Variants in CFDP1 observed in about 807,000 individuals in gnomAD.
CFDP1 encodes the protein heterochromatin-stabilizing protein CFDP1.
In CFDP1, 31 loss-of-function variants were observed where a neutral mutation model predicts 40.1. The observed-to-expected ratio is 0.77, with a 90% CI of 0.58 to 1.04. The LOEUF (loss-of-function observed/expected upper bound fraction) is 1.04, where lower values mean the gene tolerates loss of function less well. CFDP1 is among the 50% of genes least tolerant of loss of function. The pLI is 0.00. For synonymous variants in CFDP1, 167 were observed against 120.0 expected (o/e 1.39, Z -2.56); for missense variants, 423 against 343.4 (o/e 1.23, Z -1.83).
intron 5 of CFDP1, among the ~76,000 whole-genome samples, chr16:75,336,330 T>A (rs979762341): frequency 3.3e-5 from 5 of 152,134 alleles, no homozygotes; most frequent in African/African-American, 1.2e-4. Flanking sequence ...GCAGGGAAGT[T>A]GGGCTGCAGC....
chr16:75,384,673 CTG>C (rs1475376868), intron 5 of CFDP1, among the ~76,000 whole-genome samples: 1 of 151,660 alleles, frequency 6.6e-6, no homozygotes, highest in Non-Finnish European at 1.5e-5. Context: ...TTATTAATAA[CTG>C]TAAAATTTGG....
intron 5 of CFDP1, among the ~76,000 whole-genome samples, chr16:75,375,970 T>C (rs896021135): frequency 2.0e-5 from 3 of 152,188 alleles, no homozygotes; most frequent in Non-Finnish European, 4.4e-5. Flanking sequence ...CCTTGCAGTT[T>C]GGGAGGCTGC....
At chr16:75,356,017 G>C (rs1463171758) in intron 5 of CFDP1, among the ~76,000 whole-genome samples, 1 of 152,124 alleles carries the variant, frequency 6.6e-6, no homozygotes, top group Non-Finnish European at 1.5e-5. Flanking sequence ...ATCCCTCAAA[G>C]TTACCCATAA....
chr16:75,414,372 T>C (rs1055914670), intron 2 of CFDP1, among the ~76,000 whole-genome samples: 1 of 152,236 alleles, frequency 6.6e-6, no homozygotes, highest in South Asian at 2.1e-4. Context: ...TATTACCTAT[T>C]AACATTTTCT....
At chr16:75,424,531 G>A (rs1168889127) in intron 1 of CFDP1, among the ~76,000 whole-genome samples, 6 of 152,080 alleles carry the variant, frequency 3.9e-5, no homozygotes, top group African/African-American at 7.2e-5. Context: ...TGAGGCGGGC[G>A]GATCACGAGG....
At chr16:75,313,327 G>A (rs2078306386) in intron 5 of CFDP1, among the ~76,000 whole-genome samples, 1 of 152,144 alleles carries the variant, frequency 6.6e-6, no homozygotes, top group African/African-American at 2.4e-5. Flanking sequence ...AGGTAGGCAT[G>A]TGAGAGTTTT....
At chr16:75,305,217 A>G (rs757614992) in intron 5 of CFDP1, 35 bp from the exon 6 acceptor site, 1 of 1,606,954 alleles carries the variant, frequency 6.2e-7, no homozygotes, top group South Asian at 1.1e-5. Flanking sequence ...GTAGCAGGTA[A>G]AAACTCTGAT....
chr16:75,430,104 G>C (rs11149833), intron 1 of CFDP1, among the ~76,000 whole-genome samples: 78,444 of 152,072 alleles, frequency 0.52, 21,298 homozygotes, highest in Admixed American at 0.64. Flanking sequence ...AACAGGTTGA[G>C]TTTGCCTAAA....
intron 5 of CFDP1, among the ~76,000 whole-genome samples, chr16:75,309,710 CT>C (rs1371930086): frequency 2.1e-5 from 3 of 145,450 alleles, no homozygotes; most frequent in South Asian, 2.2e-4. Flanking sequence ...GTCCCAGTTA[CT>C]TGGGAGGCTG....
intron 5 of CFDP1, among the ~76,000 whole-genome samples, chr16:75,357,571 G>C (rs1212181182): frequency 6.6e-6 from 1 of 152,112 alleles, no homozygotes; most frequent in East Asian, 1.9e-4. Flanking sequence ...TTCTTTCTAA[G>C]GAAAGAATCT....
At chr16:75,409,837 C>T (rs1355848947) in intron 4 of CFDP1, among the ~76,000 whole-genome samples, 1 of 152,108 alleles carries the variant, frequency 6.6e-6, no homozygotes. Context: ...TAATACTATT[C>T]TTGCAACATT....
intron 5 of CFDP1, among the ~76,000 whole-genome samples, chr16:75,305,607 C>A (rs1283361587): frequency 6.6e-6 from 1 of 152,178 alleles, no homozygotes; most frequent in African/African-American, 2.4e-5. Flanking sequence ...AATGCTTACT[C>A]ACAGGCTGTG....
chr16:75,430,982 TG>T (rs2079406786), intron 1 of CFDP1, among the ~76,000 whole-genome samples: 1 of 152,250 alleles, frequency 6.6e-6, no homozygotes, highest in African/African-American at 2.4e-5. Context: ...TTCAGATGGT[TG>T]GGGGCGCCTT....
intron 6 of CFDP1, among the ~76,000 whole-genome samples, chr16:75,294,670 G>A (rs942350464): frequency 3.9e-5 from 6 of 152,048 alleles, no homozygotes; most frequent in African/African-American, 9.7e-5. Flanking sequence ...TCTCCTCTCC[G>A]CAGTATCCTC....
intron 5 of CFDP1, among the ~76,000 whole-genome samples, chr16:75,326,832 G>A (rs555782481): frequency 7.7e-4 from 118 of 152,296 alleles, no homozygotes; most frequent in Non-Finnish European, 1.5e-3. Flanking sequence ...TGAAGGGAAA[G>A]CATCTTTCAC....
intron 1 of CFDP1, chr16:75,419,026 C>G: frequency 2.6e-6 from 1 of 388,634 alleles, no homozygotes; most frequent in South Asian, 1.8e-5. Flanking sequence ...ACCTGTAGTT[C>G]CATCTACTGG....
chr16:75,363,578 T>C (rs1567657611), intron 5 of CFDP1, among the ~76,000 whole-genome samples: 1 of 152,040 alleles, frequency 6.6e-6, no homozygotes, highest in Non-Finnish European at 1.5e-5. Context: ...GTATTTTTAG[T>C]AGAGTCAGGG....
At chr16:75,414,133 T>C (rs1342303078) in intron 2 of CFDP1, among the ~76,000 whole-genome samples, 1 of 152,056 alleles carries the variant, frequency 6.6e-6, no homozygotes, top group Admixed American at 6.6e-5. Flanking sequence ...GATACTGCCA[T>C]GGTACTATCT....
intron 1 of CFDP1, among the ~76,000 whole-genome samples, chr16:75,423,863 C>A (rs367793691): frequency 1.3e-5 from 2 of 152,106 alleles, no homozygotes; most frequent in Admixed American, 6.6e-5. Flanking sequence ...CTGCACCCAG[C>A]CTTTTTCCAA....
Sources: allele counts gnomAD v4.1 joint callset (sites outside exome capture counted in the v4.1 genomes callset), GRCh38; gene constraint gnomAD v4.1.1; transcripts MANE v1.5; gene names NCBI Gene and HGNC (gene_info 2026-07-23, HGNC 2026-07-21).